Variants in TRIP12 observed in about 807,000 individuals in gnomAD.
The protein encoded by TRIP12 is thyroid hormone receptor interactor 12, also known as E3 ubiquitin-protein ligase TRIP12.
A neutral mutation model predicts 244.2 loss-of-function variants in TRIP12; 25 were observed. That is an observed-to-expected ratio of 0.10 (90% CI 0.07 to 0.14). TRIP12 has a LOEUF of 0.14. TRIP12 is among the 10% of genes least tolerant of loss of function. The pLI is 1.00. For missense variants in TRIP12, 1,677 were observed against 2,486.4 expected (o/e 0.67, Z 6.92); for synonymous variants, 905 against 873.1 (o/e 1.04, Z -0.64).
rs1434363074 is a variant in TRIP12, at chr2:229,850,496, C to T, written c.1027+8276G>A. ...GCTCACAGATTATCTACCTTTTTCA[C>T]GCAAGTAGAGATGATCCTGCAAGAT... On this transcript the variant is annotated intron_variant, in intron 4 of 41. Coordinates refer to ENST00000675903, the MANE Select transcript of TRIP12 (RefSeq NM_001348323.3). 3.9e-5 allele frequency among the ~76,000 whole-genome samples: 6 copies of T among 152,320 alleles called. No homozygotes were observed. In the East Asian group the frequency reaches 1.2e-3, roughly 29 times the overall value.
intron 1 of TRIP12, among the ~76,000 whole-genome samples, chr2:229,915,235 A>G (rs745624231): frequency 2.6e-5 from 4 of 152,128 alleles, no homozygotes; most frequent in Non-Finnish European, 4.4e-5. Flanking sequence ...TCTGGACAAC[A>G]CAGCGAAACT....
At chr2:229,868,843 G>A (rs1165878637) in intron 2 of TRIP12, among the ~76,000 whole-genome samples, 1 of 152,190 alleles carries the variant, frequency 6.6e-6, no homozygotes, top group East Asian at 1.9e-4. Flanking sequence ...TCCTATGACA[G>A]CTACATCTCA....
At chr2:229,780,108 T>C (rs1298223359) in intron 34 of TRIP12, among the ~76,000 whole-genome samples, 1 of 152,200 alleles carries the variant, frequency 6.6e-6, no homozygotes, top group Admixed American at 6.5e-5. Flanking sequence ...AACGTTTAAC[T>C]CTCTCAAAAC....
chr2:229,884,843 C>T (rs1338496378), intron 1 of TRIP12, among the ~76,000 whole-genome samples: 1 of 152,120 alleles, frequency 6.6e-6, no homozygotes, highest in Non-Finnish European at 1.5e-5. Context: ...GGACGGTGCA[C>T]ACCTGTGGTC....
intron 8 of TRIP12, among the ~76,000 whole-genome samples, chr2:229,819,916 T>C (rs2049580649): frequency 1.3e-5 from 2 of 152,382 alleles, no homozygotes; most frequent in South Asian, 4.1e-4. Context: ...TTTAAGATTG[T>C]GGCTACTGCA....
At chr2:229,909,540 A>G (rs1229005821) in intron 1 of TRIP12, among the ~76,000 whole-genome samples, 2 of 151,372 alleles carry the variant, frequency 1.3e-5, no homozygotes, top group Non-Finnish European at 2.9e-5. Flanking sequence ...CCTAGGTGAC[A>G]GCGTTGAGAC....
chr2:229,780,017 CAA>C (rs1449719068), intron 34 of TRIP12, among the ~76,000 whole-genome samples: 1 of 152,192 alleles, frequency 6.6e-6, no homozygotes, highest in African/African-American at 2.4e-5. Context: ...TACTTGTAAA[CAA>C]AGGGTACTAT....
intron 18 of TRIP12, among the ~76,000 whole-genome samples, chr2:229,805,008 C>A (rs1200190472): frequency 6.6e-6 from 1 of 152,134 alleles, no homozygotes; most frequent in African/African-American, 2.4e-5. Context: ...CGGGTTCACG[C>A]CATTCCTCTG....
At chr2:229,787,887 CCA>C (rs2040483493) in intron 32 of TRIP12, among the ~76,000 whole-genome samples, 1 of 152,150 alleles carries the variant, frequency 6.6e-6, no homozygotes, top group Non-Finnish European at 1.5e-5. Flanking sequence ...ACTGCAACCG[CCA>C]CCTCCCGGGC....
intron 38 of TRIP12, among the ~76,000 whole-genome samples, chr2:229,773,108 T>C (rs1166489888): frequency 6.6e-6 from 1 of 151,804 alleles, no homozygotes; most frequent in Non-Finnish European, 1.5e-5. Context: ...TGAAGTCTCA[T>C]TCTGTTGCCC....
At chr2:229,920,135 T>C (rs2076227901) in intron 1 of TRIP12, among the ~76,000 whole-genome samples, 1 of 152,186 alleles carries the variant, frequency 6.6e-6, no homozygotes, top group Non-Finnish European at 1.5e-5. Flanking sequence ...CTAACACAAC[T>C]AGGACCTTTG....
intron 8 of TRIP12, among the ~76,000 whole-genome samples, chr2:229,826,538 GATTAAA>G (rs2051655402): frequency 6.6e-6 from 1 of 152,158 alleles, no homozygotes; most frequent in Non-Finnish European, 1.5e-5. Context: ...AAATTTTATA[GATTAAA>G]ATTAGGTGTC....
intron 34 of TRIP12, among the ~76,000 whole-genome samples, chr2:229,780,532 C>T (rs1220982362): frequency 1.3e-5 from 2 of 152,186 alleles, no homozygotes; most frequent in African/African-American, 2.4e-5. Flanking sequence ...GTTCTTACCA[C>T]GGCCTACATG....
At chr2:229,889,188 T>G (rs1161630540) in intron 1 of TRIP12, among the ~76,000 whole-genome samples, 2 of 152,154 alleles carry the variant, frequency 1.3e-5, no homozygotes, top group Non-Finnish European at 2.9e-5. Context: ...CAACTCCAAG[T>G]AAGGAAGTAC....
intron 15 of TRIP12, 68 bp downstream of exon 15, chr2:229,810,812 G>A (rs2047083863): frequency 6.6e-7 from 1 of 1,512,724 alleles, no homozygotes; most frequent in Middle Eastern, 1.7e-4. Flanking sequence ...CTCGGCTTAT[G>A]TTGACTTTAC....
At chr2:229,879,373 T>C (rs1343837920) in intron 2 of TRIP12, among the ~76,000 whole-genome samples, 2 of 152,310 alleles carry the variant, frequency 1.3e-5, no homozygotes, top group East Asian at 1.9e-4. Context: ...TGACAGTCCT[T>C]GGCTAAATCT....
At chr2:229,872,186 T>C (rs1386113194) in intron 2 of TRIP12, among the ~76,000 whole-genome samples, 1 of 150,934 alleles carries the variant, frequency 6.6e-6, no homozygotes, top group East Asian at 1.9e-4. Flanking sequence ...CCCAGCACTT[T>C]GGCAGGCCAA....
intron 1 of TRIP12, among the ~76,000 whole-genome samples, chr2:229,892,657 G>A (rs917327909): frequency 2.6e-5 from 4 of 152,068 alleles, no homozygotes; most frequent in Non-Finnish European, 5.9e-5. Flanking sequence ...CTGCTTGAGC[G>A]GAGTTTGAGA....
chr2:229,834,317 C>T (rs952033893), intron 6 of TRIP12, among the ~76,000 whole-genome samples: 2 of 152,226 alleles, frequency 1.3e-5, no homozygotes, highest in African/African-American at 4.8e-5. Flanking sequence ...TCTTCCGAAA[C>T]TATAAAGCTA....
Sources: gnomAD v4.1 joint callset for allele counts (sites outside exome capture counted in the v4.1 genomes callset) on GRCh38, gnomAD v4.1.1 for gene constraint, MANE v1.5 for transcripts, NCBI Gene and HGNC (gene_info 2026-07-23, HGNC 2026-07-21) for gene names.